The following NXPH2 variants were observed in gnomAD, a reference collection of about 807,000 sequenced individuals.
The protein encoded by NXPH2 is neurexophilin 2.
NXPH2 carries 5 observed loss-of-function variants against 19.8 expected under a neutral mutation model. The ratio of observed to expected loss-of-function variants is 0.25; its 90% confidence interval spans 0.13 to 0.53. The LOEUF (loss-of-function observed/expected upper bound fraction) is 0.53. Among genes scored for constraint, NXPH2 ranks in the 20% least tolerant of loss-of-function variants. NXPH2 has a pLI of 0.96. For missense variants in NXPH2, 289 were observed against 322.8 expected (o/e 0.90, Z 0.80); for synonymous variants, 154 against 127.4 (o/e 1.21, Z -1.41).
chr2:138,727,436 T>C (rs1306063347), intron 1 of NXPH2, among the ~76,000 whole-genome samples: 1 of 152,132 alleles, frequency 6.6e-6, no homozygotes, highest in African/African-American at 2.4e-5. Context: ...AGGTGTGTAG[T>C]GGTATCTCAC....
At chr2:138,751,019 C>A in intron 1 of NXPH2, among the ~76,000 whole-genome samples, 1 of 147,230 alleles carries the variant, frequency 6.8e-6, no homozygotes, top group Non-Finnish European at 1.5e-5. Flanking sequence ...AACCCCACGT[C>A]CCCTCCCCAC....
rs540998223 is a variant in NXPH2, at chr2:138,735,321, A to G, written c.51+44870T>C. Among the ~76,000 whole-genome samples, 4 of 152,138 alleles carry G rather than the reference A, an allele frequency of 2.6e-5. No homozygotes were observed. In the East Asian group the frequency reaches 5.8e-4, roughly 22 times the overall value. The stretch of plus-strand genomic sequence containing the variant: ...CTGGGAAGAAAAAGAGGTTTAATGG[A>G]CTCACAGTTTCACATGGTTTGGGGA... On this transcript the variant is annotated intron_variant, in intron 1 of 1. Coordinates refer to ENST00000272641, the MANE Select transcript of NXPH2 (RefSeq NM_007226.3).
intron 1 of NXPH2, among the ~76,000 whole-genome samples, chr2:138,728,315 A>G (rs1296394976): frequency 6.6e-6 from 1 of 152,210 alleles, no homozygotes; most frequent in Admixed American, 6.5e-5. Context: ...CTGATTCTGG[A>G]CTTTCAGCAT....
intron 1 of NXPH2, among the ~76,000 whole-genome samples, chr2:138,767,965 T>C (rs934186470): frequency 6.6e-6 from 1 of 152,158 alleles, no homozygotes; most frequent in African/African-American, 2.4e-5. Context: ...AGTTCACCAG[T>C]ATGTTCTTTA....
At chr2:138,768,384 AAGTTTTCT>A (rs910075740) in intron 1 of NXPH2, among the ~76,000 whole-genome samples, 1 of 152,176 alleles carries the variant, frequency 6.6e-6, no homozygotes, top group African/African-American at 2.4e-5. Flanking sequence ...TGCTAACCAC[AAGTTTTCT>A]AAGGGGAATA....
At chr2:138,677,021 G>A (rs1680494530) in intron 1 of NXPH2, among the ~76,000 whole-genome samples, 1 of 152,188 alleles carries the variant, frequency 6.6e-6, no homozygotes, top group East Asian at 1.9e-4. Context: ...AATATAAAGT[G>A]TCTGGCAGGT....
intron 1 of NXPH2, among the ~76,000 whole-genome samples, chr2:138,751,679 C>A (rs753756071): frequency 6.6e-6 from 1 of 152,140 alleles, no homozygotes; most frequent in Admixed American, 6.6e-5. Context: ...TTTTCTTGGC[C>A]ACCAGATAAA....
intron 1 of NXPH2, among the ~76,000 whole-genome samples, chr2:138,747,332 A>G (rs1338408477): frequency 6.6e-6 from 1 of 152,042 alleles, no homozygotes; most frequent in Non-Finnish European, 1.5e-5. Flanking sequence ...TTGCTTGAGG[A>G]GGGGCTGGAT....
intron 1 of NXPH2, among the ~76,000 whole-genome samples, chr2:138,716,160 C>T (rs904487560): frequency 2.0e-5 from 3 of 152,188 alleles, no homozygotes; most frequent in Non-Finnish European, 2.9e-5. Flanking sequence ...TCATAGCATA[C>T]CGAACTCCAT....
At chr2:138,775,099 T>C (rs1682240941) in intron 1 of NXPH2, among the ~76,000 whole-genome samples, 3 of 152,190 alleles carry the variant, frequency 2.0e-5, no homozygotes, top group Admixed American at 1.3e-4. Context: ...AGCACAAGAA[T>C]GGCAATTTTA....
At chr2:138,767,535 G>A (rs1682110676) in intron 1 of NXPH2, among the ~76,000 whole-genome samples, 1 of 152,134 alleles carries the variant, frequency 6.6e-6, no homozygotes, top group African/African-American at 2.4e-5. Context: ...ATGGTGGTTT[G>A]CTGCACCTAA....
At chr2:138,689,878 C>G (rs1042637315) in intron 1 of NXPH2, among the ~76,000 whole-genome samples, 1 of 152,132 alleles carries the variant, frequency 6.6e-6, no homozygotes, top group African/African-American at 2.4e-5. Flanking sequence ...ATGTACAGAT[C>G]ACACTGGCAA....
intron 1 of NXPH2, among the ~76,000 whole-genome samples, chr2:138,725,824 T>C (rs1319855019): frequency 6.6e-6 from 1 of 152,214 alleles, no homozygotes; most frequent in Non-Finnish European, 1.5e-5. Context: ...TTACTGTATG[T>C]AAAGAATTTT....
At chr2:138,771,403 T>C (rs1682174161) in intron 1 of NXPH2, among the ~76,000 whole-genome samples, 1 of 151,814 alleles carries the variant, frequency 6.6e-6, no homozygotes, top group African/African-American at 2.4e-5. Context: ...AATAATGCCC[T>C]GAGTATAAGG....
chr2:138,742,420 A>C (rs959056995), intron 1 of NXPH2, among the ~76,000 whole-genome samples: 4 of 152,340 alleles, frequency 2.6e-5, no homozygotes, highest in East Asian at 3.9e-4. Context: ...GAAAAAATAG[A>C]TTGCTTTTGA....
intron 1 of NXPH2, among the ~76,000 whole-genome samples, chr2:138,757,947 G>T (rs1681942421): frequency 6.6e-6 from 1 of 152,016 alleles, no homozygotes; most frequent in African/African-American, 2.4e-5. Context: ...GTTCCTGAGG[G>T]ATGGGAATGC....
chr2:138,747,146 G>A (rs1004066584), intron 1 of NXPH2, among the ~76,000 whole-genome samples: 20 of 152,168 alleles, frequency 1.3e-4, no homozygotes, highest in South Asian at 6.2e-4. Flanking sequence ...GCTACCATAC[G>A]TAGTGCTGTG....
chr2:138,679,695 G>C (rs936115373), intron 1 of NXPH2, among the ~76,000 whole-genome samples: 1 of 152,034 alleles, frequency 6.6e-6, no homozygotes, highest in Non-Finnish European at 1.5e-5. Context: ...CCACTGCGCC[G>C]GGCCGAGGCC....
intron 1 of NXPH2, among the ~76,000 whole-genome samples, chr2:138,685,245 A>G (rs1680630243): frequency 6.6e-6 from 1 of 152,192 alleles, no homozygotes; most frequent in Admixed American, 6.5e-5. Flanking sequence ...TGATCTGCCT[A>G]TGGATTTTGA....
Sources: allele counts gnomAD v4.1 joint callset (sites outside exome capture counted in the v4.1 genomes callset), GRCh38; gene constraint gnomAD v4.1.1; transcripts MANE v1.5; gene names NCBI Gene and HGNC (gene_info 2026-07-23, HGNC 2026-07-21).